The following LDLRAD3 variants were observed in gnomAD, a reference collection of about 807,000 sequenced individuals.
LDLRAD3 encodes the protein low-density lipoprotein receptor class A domain-containing protein 3.
A neutral mutation model predicts 29.4 loss-of-function variants in LDLRAD3; 20 were observed. The ratio of observed to expected loss-of-function variants is 0.68; its 90% CI spans 0.48 to 0.99. The LOEUF (loss-of-function observed/expected upper bound fraction) is 0.99, where lower values mean the gene tolerates loss of function less well. Among genes scored for constraint, LDLRAD3 ranks in the 50% least tolerant of loss-of-function variants. The probability of loss-of-function intolerance (pLI) is 0.00; values close to 1 mark genes in which losing one functional copy is unlikely to be tolerated. For synonymous variants in LDLRAD3, 157 were observed against 192.7 expected (o/e 0.81, Z 1.53); for missense variants, 420 against 454.3 (o/e 0.92, Z 0.69).
chr11:36,113,927 G>T (rs923249476), intron 4 of LDLRAD3, among the ~76,000 whole-genome samples: 2 of 152,232 alleles, frequency 1.3e-5, no homozygotes, highest in African/African-American at 4.8e-5. Flanking sequence ...ACCTGCCTCG[G>T]CCTCCCAAAG....
chr11:36,185,085 A>C (rs1237389980), intron 4 of LDLRAD3, among the ~76,000 whole-genome samples: 2 of 152,204 alleles, frequency 1.3e-5, no homozygotes, highest in Admixed American at 1.3e-4. Context: ...TGGTTTGCAT[A>C]TATAGCTCGC....
chr11:35,960,178 G>A (rs886157363), intron 1 of LDLRAD3, among the ~76,000 whole-genome samples: 6 of 152,046 alleles, frequency 3.9e-5, no homozygotes, highest in Admixed American at 3.3e-4. Flanking sequence ...ATAATTTTGA[G>A]TTCCATCCCA....
chr11:36,051,291 T>G (rs1852524476), intron 2 of LDLRAD3, among the ~76,000 whole-genome samples: 1 of 152,142 alleles, frequency 6.6e-6, no homozygotes, highest in Non-Finnish European at 1.5e-5. Context: ...CAGGGCCACA[T>G]AAGCCAAGGG....
chr11:36,075,459 C>T (rs1852982254), intron 2 of LDLRAD3, among the ~76,000 whole-genome samples: 1 of 152,096 alleles, frequency 6.6e-6, no homozygotes, highest in African/African-American at 2.4e-5. Context: ...ATGATGTTGA[C>T]CATGGTCCCT....
chr11:35,969,647 G>T (rs1851387825), intron 1 of LDLRAD3, among the ~76,000 whole-genome samples: 1 of 152,224 alleles, frequency 6.6e-6, no homozygotes, highest in South Asian at 2.1e-4. Flanking sequence ...GGCTTTAGGT[G>T]TCCATAGGCC....
At chr11:36,212,043 AG>A (rs1307789011) in intron 4 of LDLRAD3, among the ~76,000 whole-genome samples, 1 of 152,244 alleles carries the variant, frequency 6.6e-6, no homozygotes, top group Admixed American at 6.5e-5. Flanking sequence ...ACAGGTAAAT[AG>A]CTACAGTAAG....
chr11:35,985,998 A>G (rs73448441), intron 1 of LDLRAD3, among the ~76,000 whole-genome samples: 4,113 of 152,184 alleles, frequency 0.027, 77 homozygotes, highest in African/African-American at 0.062. Context: ...CAGTACCCTG[A>G]GGCCAGTCTG....
At chr11:36,074,335 C>T (rs545664162) in intron 2 of LDLRAD3, among the ~76,000 whole-genome samples, 2 of 152,166 alleles carry the variant, frequency 1.3e-5, no homozygotes, top group Admixed American at 6.5e-5. Context: ...AGGGTTAGAG[C>T]GACTAAGGGT....
intron 4 of LDLRAD3, among the ~76,000 whole-genome samples, chr11:36,134,078 AG>A (rs1853969730): frequency 6.6e-6 from 1 of 152,286 alleles, no homozygotes; most frequent in African/African-American, 2.4e-5. Context: ...TAAAATCAGA[AG>A]GACATCAGAC....
chr11:35,980,583 T>C (rs1348254729), intron 1 of LDLRAD3, among the ~76,000 whole-genome samples: 1 of 152,194 alleles, frequency 6.6e-6, no homozygotes, highest in African/African-American at 2.4e-5. Flanking sequence ...TCCTGGGCCT[T>C]GTGAAAGTAT....
chr11:36,119,256 A>G (rs546629351), intron 4 of LDLRAD3, among the ~76,000 whole-genome samples: 88 of 152,322 alleles, frequency 5.8e-4, no homozygotes, highest in African/African-American at 2.1e-3. Context: ...GCTATTATGA[A>G]TAAGGCTGCC....
At chr11:36,225,915 A>G (rs1855492110) in intron 4 of LDLRAD3, among the ~76,000 whole-genome samples, 1 of 152,008 alleles carries the variant, frequency 6.6e-6, no homozygotes, top group Non-Finnish European at 1.5e-5. Context: ...CTAAAACACT[A>G]AAAGTAGCTG....
chr11:36,039,808 T>C (rs1852357553), intron 2 of LDLRAD3, among the ~76,000 whole-genome samples: 1 of 152,198 alleles, frequency 6.6e-6, no homozygotes, highest in African/African-American at 2.4e-5. Flanking sequence ...TCTTCTGCAC[T>C]TTTACTTCTG....
rs747380909 is a variant in LDLRAD3 at position 36,140,521 on chromosome 11, C to T, written c.454+42060C>T. Reference sequence around the variant, plus strand: ...ACGGTTCACTGCAGCCTCTACTTCCCGGGCTCAAGCGATCCTCCCACCTCA... The same window carrying T: ...ACGGTTCACTGCAGCCTCTACTTCCTGGGCTCAAGCGATCCTCCCACCTCA... On this transcript the variant is annotated intron_variant, in intron 4 of 5. Coordinates refer to ENST00000315571, the MANE Select transcript of LDLRAD3 (RefSeq NM_174902.4). Among the ~76,000 whole-genome samples the T allele has an allele frequency of 1.2e-4, 18 of 152,228 alleles. No homozygotes were observed. In the South Asian group the frequency reaches 1.5e-3, roughly 12 times the overall value.
intron 4 of LDLRAD3, among the ~76,000 whole-genome samples, chr11:36,155,652 G>T (rs1324912915): frequency 6.6e-6 from 1 of 152,160 alleles, no homozygotes; most frequent in East Asian, 1.9e-4. Flanking sequence ...GATTAAATGA[G>T]ACAATGAGAG....
chr11:35,966,749 T>G (rs1851346667), intron 1 of LDLRAD3, among the ~76,000 whole-genome samples: 2 of 152,222 alleles, frequency 1.3e-5, no homozygotes, highest in South Asian at 4.1e-4. Flanking sequence ...AAGCCATTTA[T>G]TTAGTAAATA....
At chr11:36,012,097 T>C (rs1437598515) in intron 1 of LDLRAD3, among the ~76,000 whole-genome samples, 1 of 152,254 alleles carries the variant, frequency 6.6e-6, no homozygotes, top group Non-Finnish European at 1.5e-5. Flanking sequence ...TTCTGATTAA[T>C]ATATTCTATA....
chr11:35,963,938 C>CA (rs1851308604), intron 1 of LDLRAD3, among the ~76,000 whole-genome samples: 1 of 152,098 alleles, frequency 6.6e-6, no homozygotes. Context: ...GTGAGTGGCA[C>CA]AAGAGTGATA....
chr11:36,122,532 C>T (rs1853774247), intron 4 of LDLRAD3, among the ~76,000 whole-genome samples: 1 of 152,114 alleles, frequency 6.6e-6, no homozygotes, highest in African/African-American at 2.4e-5. Flanking sequence ...TGCAATTATT[C>T]GTTCTGTGGT....
Sources: allele counts gnomAD v4.1 joint callset (sites outside exome capture counted in the v4.1 genomes callset), GRCh38; gene constraint gnomAD v4.1.1; transcripts MANE v1.5; gene names NCBI Gene and HGNC (gene_info 2026-07-23, HGNC 2026-07-21).